Variants in PRKG1 observed in about 807,000 individuals in gnomAD.
PRKG1 encodes the protein cGMP-dependent protein kinase 1.
In PRKG1, 35 loss-of-function variants were observed where a neutral mutation model predicts 88.1. That is an observed-to-expected ratio of 0.40 (90% confidence interval 0.30 to 0.53). PRKG1 has a LOEUF of 0.53. PRKG1 is among the 20% of genes least tolerant of loss of function. The pLI, the probability that PRKG1 is intolerant of heterozygous loss-of-function variation, is 0.59. For missense variants in PRKG1, 540 were observed against 839.8 expected (o/e 0.64, Z 4.41); for synonymous variants, 303 against 292.5 (o/e 1.04, Z -0.37).
chr10:52,152,074 A>G (rs1356022821), intron 8 of PRKG1, among the ~76,000 whole-genome samples: 2 of 152,180 alleles, frequency 1.3e-5, no homozygotes, highest in Non-Finnish European at 2.9e-5. Context: ...CTAAGAGTTC[A>G]TATAGGTGGA....
intron 3 of PRKG1, among the ~76,000 whole-genome samples, chr10:51,652,572 A>AT (rs1472525859): frequency 6.6e-6 from 1 of 152,108 alleles, no homozygotes; most frequent in Non-Finnish European, 1.5e-5. Context: ...TCTTTATAAA[A>AT]TTTTTTGTCA....
At chr10:51,826,164 G>T (rs958134587) in intron 4 of PRKG1, among the ~76,000 whole-genome samples, 1 of 152,040 alleles carries the variant, frequency 6.6e-6, no homozygotes, top group East Asian at 1.9e-4. Flanking sequence ...ATTAGACTGT[G>T]GTAGTACATT....
At chr10:52,022,104 A>G (rs999093001) in intron 5 of PRKG1, among the ~76,000 whole-genome samples, 1 of 152,208 alleles carries the variant, frequency 6.6e-6, no homozygotes, top group Non-Finnish European at 1.5e-5. Context: ...GTAGCAGTGC[A>G]GCTCCAAGTC....
At chr10:52,073,197 AG>A (rs1846545044) in intron 7 of PRKG1, among the ~76,000 whole-genome samples, 1 of 152,140 alleles carries the variant, frequency 6.6e-6, no homozygotes, top group South Asian at 2.1e-4. Context: ...TTTCTTTATG[AG>A]AACACCAGTC....
intron 5 of PRKG1, among the ~76,000 whole-genome samples, chr10:52,033,543 G>A (rs1044344413): frequency 6.6e-6 from 1 of 152,064 alleles, no homozygotes; most frequent in African/African-American, 2.4e-5. Context: ...CCCAGCCTTG[G>A]AGACAGTCTG....
chr10:51,820,936 T>G (rs2132727371), intron 4 of PRKG1, among the ~76,000 whole-genome samples: 1 of 152,302 alleles, frequency 6.6e-6, no homozygotes, highest in South Asian at 2.1e-4. Context: ...ATTTATATAC[T>G]CATGTAAAAA....
chr10:51,412,161 C>G (rs1205380196), intron 2 of PRKG1, among the ~76,000 whole-genome samples: 1 of 133,420 alleles, frequency 7.5e-6, no homozygotes, highest in Admixed American at 8.1e-5. Flanking sequence ...AGGGACCAAG[C>G]TGATTAAAGG....
intron 8 of PRKG1, among the ~76,000 whole-genome samples, chr10:52,144,493 G>A (rs531460529): frequency 2.6e-5 from 4 of 152,252 alleles, no homozygotes; most frequent in South Asian, 4.1e-4. Context: ...CCTAAAGGAT[G>A]TTCATTAGAG....
chr10:51,837,801 C>T (rs1840169741), intron 4 of PRKG1, among the ~76,000 whole-genome samples: 4 of 152,162 alleles, frequency 2.6e-5, no homozygotes, highest in Admixed American at 6.6e-5. Context: ...CCCTAGTATA[C>T]TCAGAGCAAA....
In PRKG1 at chr10:51,769,591, A is replaced by T. The variant is rs537884233; in HGVS notation, c.593-34994A>T. ...TTCTAATAAAACAAGGTGTTATGAC[A>T]TATTAAGCCTATTTGGAAACAGATA... is the stretch of plus-strand genomic sequence containing the variant. On this transcript the variant is annotated intron_variant, in intron 3 of 17. Transcript: ENST00000373980. Among the ~76,000 whole-genome samples the T allele has an allele frequency of 2.6e-5, 4 of 152,320 alleles. No individual in the cohort carries two copies. In the South Asian group the frequency reaches 6.2e-4, roughly 24 times the overall value.
At chr10:51,904,279 C>T (rs1842040558) in intron 4 of PRKG1, among the ~76,000 whole-genome samples, 3 of 151,878 alleles carry the variant, frequency 2.0e-5, no homozygotes, top group Admixed American at 2.0e-4. Flanking sequence ...AATGTTTAAA[C>T]ATTTTATCTG....
intron 2 of PRKG1, among the ~76,000 whole-genome samples, chr10:51,259,581 C>A (rs564926804): frequency 2.0e-5 from 3 of 152,328 alleles, no homozygotes; most frequent in African/African-American, 7.2e-5. Context: ...TCAAGCAATT[C>A]TCCTGCTTCA....
At chr10:51,971,756 A>AT (rs1195544446) in intron 5 of PRKG1, among the ~76,000 whole-genome samples, 1 of 152,160 alleles carries the variant, frequency 6.6e-6, no homozygotes, top group East Asian at 1.9e-4. Context: ...TCATTTTATT[A>AT]TAGCACCTTG....
At chr10:51,183,602 T>C (rs991939170) in intron 2 of PRKG1, among the ~76,000 whole-genome samples, 1 of 152,164 alleles carries the variant, frequency 6.6e-6, no homozygotes, top group Non-Finnish European at 1.5e-5. Context: ...TAAATCTACT[T>C]ACCCAAGATC....
At chr10:51,559,814 A>G (rs990870397) in intron 3 of PRKG1, among the ~76,000 whole-genome samples, 1 of 152,126 alleles carries the variant, frequency 6.6e-6, no homozygotes. Context: ...GAAGGACTAT[A>G]TATCTTAATC....
At chr10:52,119,078 G>C (rs4245020) in intron 7 of PRKG1, among the ~76,000 whole-genome samples, 44,437 of 151,798 alleles carry the variant, frequency 0.29, 6,647 homozygotes, top group South Asian at 0.37. Flanking sequence ...CCTATATAAA[G>C]TATTATTATG....
At chr10:52,276,385 C>G (rs1564542379) in intron 12 of PRKG1, among the ~76,000 whole-genome samples, 1 of 152,144 alleles carries the variant, frequency 6.6e-6, no homozygotes, top group African/African-American at 2.4e-5. Context: ...CATACACTCA[C>G]TGATTGTTGT....
intron 7 of PRKG1, among the ~76,000 whole-genome samples, chr10:52,125,281 T>G (rs1048541414): frequency 6.6e-6 from 1 of 152,174 alleles, no homozygotes; most frequent in Non-Finnish European, 1.5e-5. Flanking sequence ...GTGGTCTGTT[T>G]GTTGACCAAA....
At chr10:51,934,906 T>A (rs935731354) in intron 5 of PRKG1, among the ~76,000 whole-genome samples, 2 of 152,168 alleles carry the variant, frequency 1.3e-5, no homozygotes, top group Non-Finnish European at 2.9e-5. Context: ...AATGAGAAGC[T>A]AATCAATAAG....
Sources: allele counts gnomAD v4.1 joint callset (sites outside exome capture counted in the v4.1 genomes callset), GRCh38; gene constraint gnomAD v4.1.1; transcripts MANE v1.5; gene names NCBI Gene and HGNC (gene_info 2026-07-23, HGNC 2026-07-21).